The following PLD1 variants were observed in gnomAD, a reference collection of about 807,000 sequenced individuals.
The protein encoded by PLD1 is choline phosphatase 1.
PLD1 carries 112 observed loss-of-function variants against 137.1 expected under a neutral mutation model. That is an observed-to-expected ratio of 0.82 (90% CI 0.70 to 0.96). The LOEUF (loss-of-function observed/expected upper bound fraction) is 0.96. PLD1 is among the 40% of genes least tolerant of loss of function. PLD1 has a pLI of 0.00. For missense variants in PLD1, 1,321 were observed against 1,342.0 expected, an observed-to-expected ratio of 0.98 and a Z score of 0.24; for synonymous variants, 431 against 454.7, an observed-to-expected ratio of 0.95 and a Z score of 0.66.
chr3:171,787,742 G>A (rs1367909652), intron 1 of PLD1, among the ~76,000 whole-genome samples: 5 of 151,886 alleles, frequency 3.3e-5, no homozygotes, highest in African/African-American at 4.8e-5. Context: ...CTTCTATGGA[G>A]CAGCAAGCAT....
rs776361002 is a variant in PLD1, at chr3:171,699,868, T to C, written c.1146-42A>G. 4.7e-6 allele frequency: 7 copies of C among 1,485,138 alleles called. No individual in the cohort carries two copies. The South Asian group carries it at 6.8e-5, about 14-fold the overall frequency. The allele number at this position is 1,485,138 out of a possible 1,614,324, so 92.0% of individuals were successfully genotyped here. On this transcript the variant is annotated intron_variant, in intron 11 of 26. Transcript: ENST00000351298. The stretch of plus-strand genomic sequence containing the variant: ...AAGATTTTAAGTAACTAAAACAAAA[T>C]ATAAAGTTCTGATTGTGTCATAGGA...
intron 1 of PLD1, among the ~76,000 whole-genome samples, chr3:171,771,029 C>A (rs1722317460): frequency 6.6e-6 from 1 of 151,528 alleles, no homozygotes; most frequent in South Asian, 2.1e-4. Context: ...TCAAAAAATG[C>A]ATATATTATA....
chr3:171,653,302 T>A (rs949020822), intron 21 of PLD1: 1 of 152,242 alleles, frequency 6.6e-6, no homozygotes, highest in African/African-American at 2.4e-5. Flanking sequence ...GGCTTGCATA[T>A]CTTCAAATAA....
chr3:171,678,260 C>T (rs1288146093), intron 16 of PLD1, among the ~76,000 whole-genome samples: 1 of 152,196 alleles, frequency 6.6e-6, no homozygotes, highest in East Asian at 1.9e-4. Context: ...CTAAGTGACA[C>T]TGAGCTTCAG....
chr3:171,602,001 CAAA>C lies in PLD1; in HGVS notation c.*1074_*1076del. ...TATTTTATAATCAATTAATTTTTCTCAAAGAAGATAATGTAGCAGAAGACCTGA... is the reference window on the plus strand; with the variant it reads ...TATTTTATAATCAATTAATTTTTCTCGAAGATAATGTAGCAGAAGACCTGA... On this transcript the variant is annotated 3_prime_UTR_variant, in exon 27 of 27. Coordinates refer to ENST00000351298, the MANE Select transcript of PLD1 (RefSeq NM_002662.5). 1 of 152,134 alleles carries C rather than the reference CAAA, an allele frequency of 6.6e-6. No homozygotes were observed. The highest frequency in any genetic ancestry group is 1.5e-5 in the Non-Finnish European group (1 of 68,020). The allele number at this position is 152,134 out of a possible 1,614,324, so 9.4% of individuals were successfully genotyped here. A position where few individuals can be genotyped will look rare whatever the true frequency, so the allele number is the denominator to read the frequency against.
chr3:171,798,917 A>G (rs1362571625), intron 1 of PLD1, among the ~76,000 whole-genome samples: 3 of 152,146 alleles, frequency 2.0e-5, no homozygotes, highest in Non-Finnish European at 4.4e-5. Flanking sequence ...TCGGAGCACA[A>G]AGGTTTCATG....
intron 1 of PLD1, among the ~76,000 whole-genome samples, chr3:171,787,392 T>C (rs1016676957): frequency 6.6e-6 from 1 of 152,228 alleles, no homozygotes; most frequent in Admixed American, 6.5e-5. Context: ...AATTACTTTC[T>C]CTTGGCAATG....
At chr3:171,624,948 T>C (rs1733954808) in intron 23 of PLD1, among the ~76,000 whole-genome samples, 1 of 152,112 alleles carries the variant, frequency 6.6e-6, no homozygotes, top group Non-Finnish European at 1.5e-5. Flanking sequence ...AAAAGATGGT[T>C]GGGGTAGAAA....
intron 23 of PLD1, among the ~76,000 whole-genome samples, chr3:171,624,345 C>CA (rs1383881050): frequency 6.6e-6 from 1 of 151,884 alleles, no homozygotes; most frequent in African/African-American, 2.4e-5. Flanking sequence ...ATAAGATTGG[C>CA]AAAAAATAAA....
chr3:171,786,392 C>T (rs1423389821), intron 1 of PLD1, among the ~76,000 whole-genome samples: 2 of 152,118 alleles, frequency 1.3e-5, no homozygotes, highest in Admixed American at 6.5e-5. Context: ...CAAGGAGCAG[C>T]CACCCTCAAG....
intron 1 of PLD1, among the ~76,000 whole-genome samples, chr3:171,767,883 C>A (rs781735740): frequency 6.6e-6 from 1 of 152,100 alleles, no homozygotes; most frequent in South Asian, 2.1e-4. Flanking sequence ...TTTGAGGTTG[C>A]AGTGAGCAGT....
rs1578246233 is a variant in PLD1, at chr3:171,676,078, G to T, written c.2115+637C>A. On this transcript the variant is annotated intron_variant, in intron 18 of 26. Transcript: ENST00000351298. ...GCTGGTCTCGAACTCCTGACCTCAG[G>T]TGATCCACCAGCCTAGGCCTCCCAA... Among the ~76,000 whole-genome samples, 3 of 152,124 alleles carry T rather than the reference G, an allele frequency of 2.0e-5. No individual in the cohort carries two copies. The East Asian group carries it at 5.8e-4, about 29-fold the overall frequency.
Position 171,692,386 on chromosome 3 carries a change from GC to G in PLD1, c.1283del (p.Gly428AlafsTer11). 1 of 1,605,762 alleles carries G rather than the reference GC, an allele frequency of 6.2e-7. No individual in the cohort carries two copies. Among genetic ancestry groups the G allele is most frequent in the Non-Finnish European group, 8.5e-7 (1 of 1,172,368 alleles). On this transcript the variant is annotated frameshift_variant, in exon 13 of 27. Transcript: ENST00000351298. LOFTEE classifies it high-confidence loss of function. ...TCCTCTTGGTGTATTCACTATTGATGCCAAGAGCGAGTTCCACCTCTTTGTA... is the reference window on the plus strand; with the variant it reads ...TCCTCTTGGTGTATTCACTATTGATGCAAGAGCGAGTTCCACCTCTTTGTA... The part of the protein sequence containing the change: ...MLYKEVELAL[G>X]INSEYTKRTL...
chr3:171,710,402 A>AT (rs1306463099), intron 9 of PLD1, among the ~76,000 whole-genome samples: 1 of 152,106 alleles, frequency 6.6e-6, no homozygotes, highest in Non-Finnish European at 1.5e-5. Flanking sequence ...TCCACGGATG[A>AT]TGGGGAGTAG....
At chr3:171,606,548 C>T (rs931866484) in intron 25 of PLD1, among the ~76,000 whole-genome samples, 1 of 152,036 alleles carries the variant, frequency 6.6e-6, no homozygotes, top group Non-Finnish European at 1.5e-5. Flanking sequence ...GAGGAACCAG[C>T]GAGGCTGGAG....
intron 1 of PLD1, among the ~76,000 whole-genome samples, chr3:171,747,170 G>A (rs529915165): frequency 2.6e-4 from 40 of 152,208 alleles, no homozygotes; most frequent in African/African-American, 8.7e-4. Context: ...AACAAACTCC[G>A]GACACACCAT....
intron 12 of PLD1, among the ~76,000 whole-genome samples, chr3:171,695,637 T>C (rs1052855759): frequency 6.6e-6 from 1 of 152,168 alleles, no homozygotes; most frequent in Non-Finnish European, 1.5e-5. Flanking sequence ...TCAGTGACTT[T>C]GTTTCTTAGC....
intron 1 of PLD1, chr3:171,792,677 C>T (rs1316337305): frequency 2.2e-6 from 1 of 456,604 alleles, no homozygotes; most frequent in Non-Finnish European, 4.4e-6. Context: ...CAGAGAAACA[C>T]AGTAAATTTA....
chr3:171,674,841 T>C, intron 18 of PLD1, among the ~76,000 whole-genome samples: 1 of 151,600 alleles, frequency 6.6e-6, no homozygotes, highest in Non-Finnish European at 1.5e-5. Flanking sequence ...TAGCCAAGCA[T>C]GGTGGCGGGC....
Sources: gnomAD v4.1 joint callset for allele counts (sites outside exome capture counted in the v4.1 genomes callset) on GRCh38, gnomAD v4.1.1 for gene constraint, MANE v1.5 for transcripts, NCBI Gene and HGNC (gene_info 2026-07-23, HGNC 2026-07-21) for gene names.